Variants in CIMAP3 observed in about 807,000 individuals in gnomAD.
The protein encoded by CIMAP3 is ciliary microtubule associated protein 3.
At chr1:111,336,444 A>T in the CIMAP3 span, among the ~76,000 whole-genome samples, 2 of 152,154 alleles carry the variant, frequency 1.3e-5, no homozygotes, top group African/African-American at 4.8e-5. Flanking sequence ...AAGTTAAAAA[A>T]TTTGAAAAAA....
the CIMAP3 span, among the ~76,000 whole-genome samples, chr1:111,345,491 C>T: frequency 1.6e-4 from 25 of 152,218 alleles, no homozygotes; most frequent in Non-Finnish European, 2.9e-4. Flanking sequence ...GATGTCTAGC[C>T]TCCCTAGCCT....
At chr1:111,340,890 A>G in the CIMAP3 span, among the ~76,000 whole-genome samples, 1 of 152,186 alleles carries the variant, frequency 6.6e-6, no homozygotes, top group Non-Finnish European at 1.5e-5. Context: ...TCATGCTGCT[A>G]TAAAGACACA....
At chr1:111,342,985 G>C in the CIMAP3 span, among the ~76,000 whole-genome samples, 1 of 152,242 alleles carries the variant, frequency 6.6e-6, no homozygotes, top group East Asian at 1.9e-4. Flanking sequence ...TGGTTTTCTA[G>C]AGAAGGCAAA....
the CIMAP3 span, among the ~76,000 whole-genome samples, chr1:111,325,761 A>G: frequency 1.3e-5 from 2 of 152,180 alleles, no homozygotes; most frequent in African/African-American, 4.8e-5. Flanking sequence ...AGATTCTTGC[A>G]CCATATGTTG....
chr1:111,351,313 C>G, the CIMAP3 span: 2 of 1,580,130 alleles, frequency 1.3e-6, no homozygotes, highest in South Asian at 2.3e-5. Context: ...CTACCTAAGC[C>G]TGTATTATAA....
chr1:111,330,462 T>C, the CIMAP3 span, among the ~76,000 whole-genome samples: 1 of 152,168 alleles, frequency 6.6e-6, no homozygotes. Flanking sequence ...AGTGAGGTAT[T>C]TTTGGTGTTG....
At chr1:111,335,194 A>C in the CIMAP3 span, among the ~76,000 whole-genome samples, 2 of 151,738 alleles carry the variant, frequency 1.3e-5, no homozygotes, top group African/African-American at 4.9e-5. Flanking sequence ...AGAATAAAAA[A>C]CAGAAAATTT....
At chr1:111,350,190 T>C in the CIMAP3 span, 9 of 1,613,834 alleles carry the variant, frequency 5.6e-6, no homozygotes, top group Non-Finnish European at 7.6e-6. Context: ...GGGCTCAGGT[T>C]CCATGTCTAC....
chr1:111,349,439 C>T, the CIMAP3 span: 2 of 152,300 alleles, frequency 1.3e-5, 1 homozygote, highest in African/African-American at 4.8e-5. Context: ...ATTCTCAATG[C>T]TTTAGGAAGC....
At chr1:111,344,814 C>T in the CIMAP3 span, among the ~76,000 whole-genome samples, 1 of 152,176 alleles carries the variant, frequency 6.6e-6, no homozygotes, top group Non-Finnish European at 1.5e-5. Context: ...CAGTCATACA[C>T]CACATGAAGA....
the CIMAP3 span, among the ~76,000 whole-genome samples, chr1:111,342,163 C>T: frequency 1.3e-5 from 2 of 152,108 alleles, no homozygotes; most frequent in African/African-American, 4.8e-5. Flanking sequence ...ATCCTAAAAG[C>T]GGCAAGAGAA....
the CIMAP3 span, among the ~76,000 whole-genome samples, chr1:111,329,807 G>T: frequency 6.6e-6 from 1 of 151,912 alleles, no homozygotes; most frequent in Non-Finnish European, 1.5e-5. Flanking sequence ...GCCCGCCTCA[G>T]CCTCCCAAAG....
chr1:111,345,518 A>G, the CIMAP3 span, among the ~76,000 whole-genome samples: 1 of 152,224 alleles, frequency 6.6e-6, no homozygotes, highest in South Asian at 2.1e-4. Context: ...CAGGAACAAC[A>G]CCCCAACAAT....
chr1:111,338,759 G>A, the CIMAP3 span, among the ~76,000 whole-genome samples: 1,020 of 151,680 alleles, frequency 6.7e-3, 9 homozygotes, highest in African/African-American at 0.023. Flanking sequence ...ATTCACAGCC[G>A]AATTCTACCA....
At chr1:111,341,358 T>G in the CIMAP3 span, among the ~76,000 whole-genome samples, 1 of 151,216 alleles carries the variant, frequency 6.6e-6, no homozygotes. Context: ...TAAAGTATAA[T>G]AATAAAAAAA....
At chr1:111,337,334 T>C in the CIMAP3 span, among the ~76,000 whole-genome samples, 1 of 152,182 alleles carries the variant, frequency 6.6e-6, no homozygotes, top group Non-Finnish European at 1.5e-5. Flanking sequence ...CAGGATCAAA[T>C]TCACACATAA....
the CIMAP3 span, among the ~76,000 whole-genome samples, chr1:111,342,410 C>G: frequency 6.6e-6 from 1 of 152,168 alleles, no homozygotes; most frequent in Non-Finnish European, 1.5e-5. Context: ...AAACTGAGAC[C>G]TAGCAAGAGC....
chr1:111,341,373 C>A, the CIMAP3 span, among the ~76,000 whole-genome samples: 4 of 151,598 alleles, frequency 2.6e-5, no homozygotes, highest in Non-Finnish European at 5.9e-5. Flanking sequence ...AAAAAAAAAT[C>A]TTTTAATCAT....
At chr1:111,351,395 C>T in the CIMAP3 span, 1 of 1,311,584 alleles carries the variant, frequency 7.6e-7, no homozygotes, top group South Asian at 1.5e-5. Context: ...CAGAGCTGCT[C>T]TTCTTCTTCT....
Sources: allele counts gnomAD v4.1 joint callset (sites outside exome capture counted in the v4.1 genomes callset), GRCh38; gene constraint gnomAD v4.1.1; transcripts MANE v1.5; gene names NCBI Gene and HGNC (gene_info 2026-07-23, HGNC 2026-07-21).